ACSM2B: variants seen among roughly 807,000 people sequenced by gnomAD.
ACSM2B encodes acyl-CoA synthetase medium chain family member 2B.
Under a neutral mutation model 78.6 loss-of-function variants are expected in ACSM2B, and 58 were observed. The observed-to-expected ratio is 0.74, with a 90% CI of 0.60 to 0.92. ACSM2B has a LOEUF of 0.92. ACSM2B is among the 40% of genes least tolerant of loss of function. The pLI is 0.00. For missense variants in ACSM2B, 688 were observed against 711.2 expected (o/e 0.97, Z 0.37); for synonymous variants, 257 against 256.8 (o/e 1.00, Z -0.01).
intron 1 of ACSM2B, among the ~76,000 whole-genome samples, chr16:20,571,044 T>A (rs941513897): frequency 1.3e-5 from 2 of 151,960 alleles, no homozygotes; most frequent in Non-Finnish European, 2.9e-5. Context: ...ATTTATCTTT[T>A]GTATTTTTTT....
In ACSM2B at chr16:20,566,247, T is replaced by TTTTATATATATA. The variant is rs1491507567; in HGVS notation, c.-8-1395_-8-1394insTATATATATAAA. On this transcript the variant is annotated intron_variant, in intron 1 of 13. Coordinates refer to ENST00000329697, the MANE Select transcript of ACSM2B (RefSeq NM_001105069.2). ...CATACCATACTGCCTTCATGGAAGA[T>TTTTATATATATA]TATATATATATATATATATATATAT... Among the ~76,000 whole-genome samples the TTTTATATATATA allele has an allele frequency of 2.5e-3, 178 of 69,954 alleles. 6 individuals carry two copies. The highest frequency in any genetic ancestry group is 0.014 in the East Asian group (49 of 3,536). The allele number at this position is 69,954 out of a possible 152,430, so 45.9% of individuals were successfully genotyped here. A position where few individuals can be genotyped will look rare whatever the true frequency, so the allele number is the denominator to read the frequency against.
chr16:20,547,591 A>G, intron 8 of ACSM2B: 1 of 994,092 alleles, frequency 1.0e-6, no homozygotes, highest in Non-Finnish European at 1.2e-6. Context: ...CCAAGAAGAT[A>G]TGTCAGGAGG....
chr16:20,552,330 G>T, intron 5 of ACSM2B, 33 bp from the exon 6 acceptor site: 1 of 1,593,862 alleles, frequency 6.3e-7, no homozygotes. Context: ...TGTACATATA[G>T]GTGGGTGCAT....
rs1232440334 is a variant in ACSM2B at position 20,546,471 on chromosome 16, A to G, written c.1102T>C (p.Leu368=). 6.2e-7 allele frequency: 1 copy of G among 1,600,758 alleles called. No homozygotes were observed. The highest frequency in any genetic ancestry group is 1.1e-5 in the South Asian group (1 of 88,556). The change falls in exon 9 of 14, where the codon TTA becomes CTA. Residue 368 remains leucine, a synonymous_variant. Transcript: ENST00000329697. ...ATTGTCTTGGAAACCATGCAAGTTA[A>G]TCCCTGTGGAAAGAAGCAGACAGAT... ...REFYGQTETG[L]TCMVSKTMKI...
rs571019271 is a variant in ACSM2B, at chr16:20,551,532, T to C, written c.894+612A>G. ...GAGGGCTTCCCCAGGAATCCAATTA[T>C]GCTGGCACCCTGATCTCAGACTTAC... On this transcript the variant is annotated intron_variant, in intron 6 of 13. Transcript: ENST00000329697. 5.7e-3 allele frequency among the ~76,000 whole-genome samples: 875 copies of C among 152,182 alleles called. 8 individuals carry two copies. The highest frequency in any genetic ancestry group is 0.02 in the African/African-American group (812 of 41,540).
chr16:20,566,233 G>C (rs1477792952), intron 1 of ACSM2B, among the ~76,000 whole-genome samples: 1 of 108,698 alleles, frequency 9.2e-6, no homozygotes, highest in South Asian at 3.0e-4. Context: ...ATACCATACT[G>C]CCTTCATGGA....
chr16:20,548,252 T>C, intron 7 of ACSM2B, 67 bp from the exon 8 acceptor site: 1 of 1,610,804 alleles, frequency 6.2e-7, no homozygotes, highest in Non-Finnish European at 8.5e-7. Context: ...GGCCTAGACT[T>C]GGTTTCTGGG....
intron 1 of ACSM2B, among the ~76,000 whole-genome samples, chr16:20,566,959 T>A (rs1212127815): frequency 8.3e-6 from 1 of 120,876 alleles, no homozygotes; most frequent in Non-Finnish European, 1.6e-5. Context: ...ATCATATATA[T>A]TATATATTAT....
intron 3 of ACSM2B, among the ~76,000 whole-genome samples, chr16:20,556,176 TG>T (rs1474924257): frequency 6.6e-6 from 1 of 152,200 alleles, no homozygotes; most frequent in Non-Finnish European, 1.5e-5. Context: ...TTTAGCATGC[TG>T]TACAATTTAT....
At chr16:20,569,882 G>C (rs2016047696) in intron 1 of ACSM2B, among the ~76,000 whole-genome samples, 1 of 151,806 alleles carries the variant, frequency 6.6e-6, no homozygotes, top group Non-Finnish European at 1.5e-5. Context: ...AAGTATAGCA[G>C]AGCTACTGGT....
chr16:20,566,847 T>C (rs1454578829), intron 1 of ACSM2B, among the ~76,000 whole-genome samples: 1 of 120,606 alleles, frequency 8.3e-6, no homozygotes, highest in South Asian at 2.3e-4. Context: ...ATACTATATA[T>C]AGACACACTA....
At chr16:20,567,718 G>A (rs1438696772) in intron 1 of ACSM2B, among the ~76,000 whole-genome samples, 2 of 138,196 alleles carry the variant, frequency 1.4e-5, no homozygotes, top group Admixed American at 8.0e-5. Context: ...TTCATGTCTT[G>A]TTCTGGTTCT....
intron 3 of ACSM2B, among the ~76,000 whole-genome samples, chr16:20,556,486 C>T (rs1394292505): frequency 6.6e-6 from 1 of 152,128 alleles, no homozygotes; most frequent in Admixed American, 6.5e-5. Flanking sequence ...CCTGTAATCC[C>T]AGCTACTCAG....
At chr16:20,541,238 T>C (rs1445677485) in intron 12 of ACSM2B, 1 of 163,476 alleles carries the variant, frequency 6.1e-6, no homozygotes, top group Non-Finnish European at 1.4e-5. Flanking sequence ...CAGCAGGGGA[T>C]CACCCTTGGC....
At chr16:20,554,709 A>G (rs888491920) in intron 4 of ACSM2B, among the ~76,000 whole-genome samples, 2 of 152,230 alleles carry the variant, frequency 1.3e-5, no homozygotes, top group East Asian at 1.9e-4. Flanking sequence ...AGAAGAGCCT[A>G]GAAACTTGGT....
chr16:20,543,457 T>C (rs1271523212), intron 10 of ACSM2B, among the ~76,000 whole-genome samples, 195 bp from the exon 11 acceptor site: 1 of 152,254 alleles, frequency 6.6e-6, no homozygotes, highest in East Asian at 1.9e-4. Context: ...TTATTGAAGT[T>C]ATTCCACCCA....
At chr16:20,570,761 G>C (rs1401707974) in intron 1 of ACSM2B, among the ~76,000 whole-genome samples, 1 of 151,728 alleles carries the variant, frequency 6.6e-6, no homozygotes, top group Non-Finnish European at 1.5e-5. Context: ...CTTGTTATTG[G>C]TCTGTTCAGG....
chr16:20,558,902 A>G lies in ACSM2B; in HGVS notation c.388+335T>C, dbSNP rs146681929. On this transcript the variant is annotated intron_variant, in intron 3 of 13. Coordinates refer to ENST00000329697, the MANE Select transcript of ACSM2B (RefSeq NM_001105069.2). ...TTTGGCCTGCAGGTCACAGTCTACC[A>G]AATTTATTTGTATAGATTTTAATAG... 3.9e-4 allele frequency among the ~76,000 whole-genome samples: 60 copies of G among 152,346 alleles called. 1 individual carries two copies. The East Asian group carries it at 0.01, about 26-fold the overall frequency.
chr16:20,576,203 T>G lies in ACSM2B; in HGVS notation c.-9+4A>C, dbSNP rs1248984523. 1 of 151,614 alleles carries G rather than the reference T, an allele frequency of 6.6e-6. No individual in the cohort carries two copies. Among genetic ancestry groups the G allele is most frequent in the Non-Finnish European group, 1.5e-5 (1 of 68,024 alleles). 9.4% of individuals were successfully genotyped at this position (151,614 alleles called of 1,614,324 possible). On this transcript the variant is annotated splice_donor_region_variant and intron_variant, in intron 1 of 13. Coordinates refer to ENST00000329697, the MANE Select transcript of ACSM2B (RefSeq NM_001105069.2). ...ATCAGCCCATTCCTTGAAACAGTGC[T>G]CACCTGCCAAGTCCTCTCAGGATGT... is the stretch of plus-strand genomic sequence containing the variant.
Sources: gnomAD v4.1 joint callset for allele counts (sites outside exome capture counted in the v4.1 genomes callset) on GRCh38, gnomAD v4.1.1 for gene constraint, MANE v1.5 for transcripts, NCBI Gene and HGNC (gene_info 2026-07-23, HGNC 2026-07-21) for gene names.